The following SLC6A9 variants were observed in gnomAD, a reference collection of about 807,000 sequenced individuals.
SLC6A9 encodes the protein solute carrier family 6 member 9.
Under a neutral mutation model 70.9 loss-of-function variants are expected in SLC6A9, and 31 were observed. That is an observed-to-expected ratio of 0.44 (90% CI 0.33 to 0.59). The LOEUF (loss-of-function observed/expected upper bound fraction) is 0.59, where lower values mean the gene tolerates loss of function less well. Ranked by LOEUF, SLC6A9 falls within the 20% of genes least tolerant of loss-of-function variation. The probability of loss-of-function intolerance (pLI) is 0.04; values close to 1 mark genes in which losing one functional copy is unlikely to be tolerated. For missense variants in SLC6A9, 631 were observed against 845.2 expected (o/e 0.75, Z 3.14); for synonymous variants, 310 against 341.3 (o/e 0.91, Z 1.01).
chr1:44,008,016 C>G (rs372935900), intron 5 of SLC6A9, among the ~76,000 whole-genome samples: 1 of 151,920 alleles, frequency 6.6e-6, no homozygotes, highest in Admixed American at 6.6e-5. Flanking sequence ...CCTGCCACCA[C>G]GCCCGGCTAA....
At chr1:44,011,760 G>C in intron 2 of SLC6A9, 2 of 1,600,542 alleles carry the variant, frequency 1.2e-6, no homozygotes, top group Non-Finnish European at 1.7e-6. Flanking sequence ...AGAGGCAGAT[G>C]CGGGGATTTG....
chr1:44,028,388 A>G (rs2087020543), intron 1 of SLC6A9, among the ~76,000 whole-genome samples: 1 of 152,184 alleles, frequency 6.6e-6, no homozygotes, highest in African/African-American at 2.4e-5. Context: ...GCATCTTGAA[A>G]CCATCCCCCT....
Position 44,000,756 on chromosome 1 carries a change from A to G in SLC6A9, c.1536+11T>C. 1 of 1,572,510 alleles carries G rather than the reference A, an allele frequency of 6.4e-7. No homozygotes were observed. Among genetic ancestry groups the G allele is most frequent in the East Asian group, 2.2e-5 (1 of 44,634 alleles). On this transcript the variant is annotated intron_variant, in intron 12 of 13. Coordinates refer to ENST00000372310, the MANE Select transcript of SLC6A9 (RefSeq NM_001024845.3). ...CAGCGGGGGAAGGGAGGGGCCGGCC[A>G]GGGAACTCACGAAGATGATGGCGGG...
At chr1:44,003,113 T>A (rs1442193102) in intron 5 of SLC6A9, 128 bp from the exon 6 acceptor site, 16 of 1,109,450 alleles carry the variant, frequency 1.4e-5, no homozygotes, top group Non-Finnish European at 2.0e-5. Context: ...TTGTGTGACA[T>A]GGGAGCTACT....
Position 43,997,301 on chromosome 1 carries a change from T to C in SLC6A9, c.*244A>G. 1 of 540,810 alleles carries C rather than the reference T, an allele frequency of 1.8e-6. No individual in the cohort carries two copies. The highest frequency in any genetic ancestry group is 3.3e-6 in the Non-Finnish European group (1 of 305,988). The allele number at this position is 540,810 out of a possible 1,614,324, so 33.5% of individuals were successfully genotyped here. A position where few individuals can be genotyped will look rare whatever the true frequency, so the allele number is the denominator to read the frequency against. On this transcript the variant is annotated 3_prime_UTR_variant, in exon 14 of 14. Transcript: ENST00000372310. The surrounding 1 kb of genome is among the most constrained non-coding windows in gnomAD (Gnocchi z 4.4). ...CTGGCCCGAGACCCCTCCAAAGTGC[T>C]TTGGACCTCCCAGCAACCCTCCACT...
At chr1:44,010,460 G>GA in intron 3 of SLC6A9, 1 of 175,754 alleles carries the variant, frequency 5.7e-6, no homozygotes, top group Non-Finnish European at 1.1e-5. Flanking sequence ...TGTGGGCGGG[G>GA]GGGGGGGGGG....
intron 2 of SLC6A9, among the ~76,000 whole-genome samples, chr1:44,020,364 T>C (rs746864374): frequency 1.3e-5 from 2 of 152,082 alleles, no homozygotes; most frequent in Non-Finnish European, 2.9e-5. Flanking sequence ...CCCTGTGGTG[T>C]GCTAGGTCCT....
At position 43,997,872 on chromosome 1, in the gene SLC6A9, C is replaced by T. The variant is rs533671227; in HGVS notation, c.1690G>A (p.Gly564Arg). The T allele has an allele frequency of 4.7e-5, 76 of 1,611,706 alleles. No homozygotes were observed. Among genetic ancestry groups the T allele is most frequent in the Middle Eastern group, 1.7e-4 (1 of 6,030 alleles). Residue 564 changes from glycine to arginine, a missense_variant, in exon 13 of 14, where the codon GGG becomes AGG. Coordinates refer to ENST00000372310, the MANE Select transcript of SLC6A9 (RefSeq NM_001024845.3). This position sits in a 1 kb window ranked among gnomAD's most constrained non-coding sequence, Gnocchi z 4.4. Reference protein sequence around the residue: ...YAMFRLCRTDGDTLLQRLKNA... With the variant: ...YAMFRLCRTDRDTLLQRLKNA... ...GCCCTCACCTGGAGGAGGGTGTCCCCGTCTGTGCGGCAGAGCCGGAACATG... is the reference window on the plus strand; with the variant it reads ...GCCCTCACCTGGAGGAGGGTGTCCCTGTCTGTGCGGCAGAGCCGGAACATG...
At chr1:44,030,247 G>A (rs1389888512) in intron 1 of SLC6A9, among the ~76,000 whole-genome samples, 2 of 152,168 alleles carry the variant, frequency 1.3e-5, no homozygotes, top group African/African-American at 4.8e-5. Context: ...AGAGATGTGG[G>A]GGCACGGGCG....
chr1:43,999,618 G>C (rs564847635), intron 12 of SLC6A9, among the ~76,000 whole-genome samples: 18 of 152,252 alleles, frequency 1.2e-4, no homozygotes, highest in Middle Eastern at 3.4e-3. Context: ...CGTTCCTCCT[G>C]TTTCAAAGCT....
At position 43,998,075 on chromosome 1, in the gene SLC6A9, AC is replaced by A. The variant is rs761189104; in HGVS notation, c.1537-51del. The A allele has an allele frequency of 9.9e-6, 15 of 1,515,218 alleles. No homozygotes were observed. The African/African-American group carries it at 1.8e-4, about 18-fold the overall frequency. The allele number at this position is 1,515,218 out of a possible 1,614,324, so 93.9% of individuals were successfully genotyped here. ...GGCGTGAGGCCGACCCAGAGCCCAG[AC>A]CCCAGGCCATCCCTCTACCAGCACC... On this transcript the variant is annotated intron_variant, in intron 12 of 13. Transcript: ENST00000372310.
chr1:44,026,246 C>T (rs1018223589), intron 1 of SLC6A9, among the ~76,000 whole-genome samples: 2 of 152,218 alleles, frequency 1.3e-5, no homozygotes, highest in South Asian at 2.1e-4. Context: ...TGTCCTCTCT[C>T]ACCCCTGTGC....
In SLC6A9 at chr1:44,001,284, C is replaced by T. The variant is rs892763677; in HGVS notation, c.1215G>A (p.Glu405=). Residue 405 remains glutamate (E), a synonymous_variant, in exon 10 of 14, where the codon GAG becomes GAA. Transcript: ENST00000372310. Reference sequence around the variant, plus strand: ...CATCCACAATGGCTGTGACCAGCGTCTCCAGGAGGCAGAACTGCAGGATGT... The same window carrying T: ...CATCCACAATGGCTGTGACCAGCGTTTCCAGGAGGCAGAACTGCAGGATGT... ...LGLGTQFCLL[E]TLVTAIVDEV... is the part of the protein sequence containing the mutation. The T allele has an allele frequency of 1.2e-6, 2 of 1,614,234 alleles. No individual in the cohort carries two copies. The highest frequency in any genetic ancestry group is 3.3e-5 in the Admixed American group (2 of 60,026).
chr1:44,017,163 T>C (rs763511645), intron 2 of SLC6A9: 1 of 1,603,016 alleles, frequency 6.2e-7, no homozygotes, highest in South Asian at 1.1e-5. Flanking sequence ...AGCGCGACAC[T>C]GACGCATCCC....
intron 2 of SLC6A9, chr1:44,017,426 G>A (rs2086791000): frequency 8.8e-7 from 1 of 1,133,622 alleles, no homozygotes; most frequent in South Asian, 2.0e-5. Context: ...GGCAGAGCAG[G>A]CGAGAGGGTG....
intron 1 of SLC6A9, among the ~76,000 whole-genome samples, chr1:44,029,163 G>A (rs2087044532): frequency 6.6e-6 from 1 of 152,196 alleles, no homozygotes; most frequent in African/African-American, 2.4e-5. Flanking sequence ...CAGTCTCACC[G>A]CTGAGTATCA....
chr1:44,030,082 G>A (rs543902155), intron 1 of SLC6A9, among the ~76,000 whole-genome samples: 3 of 152,234 alleles, frequency 2.0e-5, no homozygotes, highest in Admixed American at 6.5e-5. Context: ...GCGGAGAGCA[G>A]GCCCGAAAGG....
chr1:44,022,722 C>CTTTCTTTTT (rs1553164497), intron 2 of SLC6A9, among the ~76,000 whole-genome samples: 7 of 118,958 alleles, frequency 5.9e-5, no homozygotes, highest in African/African-American at 1.6e-4. Context: ...TTCTTTCTTT[C>CTTTCTTTTT]TTTTTTTTTT....
At chr1:44,001,727 C>T in intron 8 of SLC6A9, 100 bp from the exon 9 acceptor site, 4 of 871,056 alleles carry the variant, frequency 4.6e-6, no homozygotes, top group Non-Finnish European at 7.4e-6. Context: ...GCACCCCCAA[C>T]TCTTTTTTTT....
Sources: allele counts gnomAD v4.1 joint callset (sites outside exome capture counted in the v4.1 genomes callset), GRCh38; gene constraint gnomAD v4.1.1; non-coding constraint Gnocchi (gnomAD v3.1); transcripts MANE v1.5; gene names NCBI Gene and HGNC (gene_info 2026-07-23, HGNC 2026-07-21).